The following PRKD1 variants were observed in gnomAD, a reference collection of about 807,000 sequenced individuals.
PRKD1 encodes serine/threonine-protein kinase D1.
Under a neutral mutation model 95.9 loss-of-function variants are expected in PRKD1, and 63 were observed. That is an observed-to-expected ratio of 0.66 (90% CI 0.54 to 0.81). The LOEUF is 0.81. Among genes scored for constraint, PRKD1 ranks in the 30% least tolerant of loss-of-function variants. The pLI is 0.00. For missense variants in PRKD1, 1,048 were observed against 1,165.3 expected, an observed-to-expected ratio of 0.90 and a Z score of 1.47; for synonymous variants, 425 against 423.1, an observed-to-expected ratio of 1.00 and a Z score of -0.05.
chr14:29,864,854 A>C (rs1892832648), intron 1 of PRKD1, among the ~76,000 whole-genome samples: 1 of 152,192 alleles, frequency 6.6e-6, no homozygotes, highest in African/African-American at 2.4e-5. Context: ...ATTTCTGTGA[A>C]TTCTCACACA....
intron 1 of PRKD1, among the ~76,000 whole-genome samples, chr14:29,746,399 G>A (rs1256753952): frequency 3.3e-5 from 5 of 152,006 alleles, no homozygotes; most frequent in African/African-American, 1.2e-4. Flanking sequence ...TGGCTTCATG[G>A]CTTTTGTTCT....
chr14:29,784,389 C>G (rs994270006), intron 1 of PRKD1, among the ~76,000 whole-genome samples: 4 of 151,966 alleles, frequency 2.6e-5, no homozygotes, highest in African/African-American at 9.7e-5. Context: ...TTTTGTGGTT[C>G]CATATGAATT....
At chr14:29,676,058 A>C (rs151313431) in intron 2 of PRKD1, among the ~76,000 whole-genome samples, 1 of 151,926 alleles carries the variant, frequency 6.6e-6, no homozygotes. Flanking sequence ...CAGCACACCA[A>C]CATGGCATAT....
Position 29,634,550 on chromosome 14 carries a change from G to A in PRKD1, c.1191-9C>T. ...TGTTGCTTGTTGATGGACTTGAGAAGTCAAAATATTGTAGGGAAAAAATGT... is the reference window on the plus strand; with the variant it reads ...TGTTGCTTGTTGATGGACTTGAGAAATCAAAATATTGTAGGGAAAAAATGT... On this transcript the variant is annotated splice_polypyrimidine_tract_variant and intron_variant, in intron 7 of 17. Coordinates refer to ENST00000331968, the MANE Select transcript of PRKD1 (RefSeq NM_002742.3). The A allele has an allele frequency of 6.2e-7, 1 of 1,613,790 alleles. No homozygotes were observed. Among genetic ancestry groups the A allele is most frequent in the Non-Finnish European group, 8.5e-7 (1 of 1,179,818 alleles).
intron 4 of PRKD1, chr14:29,652,689 A>G (rs1361518731): frequency 6.6e-6 from 1 of 152,226 alleles, no homozygotes; most frequent in Non-Finnish European, 1.5e-5. Flanking sequence ...ATTTCTGGCA[A>G]ATGTACTACA....
chr14:29,856,155 T>C (rs1892492193), intron 1 of PRKD1, among the ~76,000 whole-genome samples: 1 of 152,126 alleles, frequency 6.6e-6, no homozygotes, highest in African/African-American at 2.4e-5. Context: ...GGAAGTTGAA[T>C]GGGCCAATTG....
chr14:29,655,746 T>C (rs991309363), intron 4 of PRKD1, among the ~76,000 whole-genome samples: 4 of 152,064 alleles, frequency 2.6e-5, no homozygotes, highest in African/African-American at 9.7e-5. Context: ...GTTTTTTCCA[T>C]ATATAATTTC....
chr14:29,908,910 T>C (rs1298633657), intron 1 of PRKD1, among the ~76,000 whole-genome samples: 1 of 152,128 alleles, frequency 6.6e-6, no homozygotes, highest in East Asian at 1.9e-4. Flanking sequence ...TGAGGAGCCC[T>C]TTAGCCCACT....
chr14:29,921,801 C>T (rs528548426), intron 1 of PRKD1, among the ~76,000 whole-genome samples: 25 of 152,248 alleles, frequency 1.6e-4, no homozygotes, highest in African/African-American at 4.1e-4. Context: ...ACCCCCACCA[C>T]CACCACCACC....
chr14:29,670,849 A>T (rs1882797661), intron 2 of PRKD1, among the ~76,000 whole-genome samples: 1 of 152,178 alleles, frequency 6.6e-6, no homozygotes, highest in Non-Finnish European at 1.5e-5. Flanking sequence ...TTTTTGTTAT[A>T]CCTGGAAACA....
chr14:29,724,708 C>T (rs1261451523), intron 2 of PRKD1, among the ~76,000 whole-genome samples: 1 of 152,138 alleles, frequency 6.6e-6, no homozygotes, highest in Non-Finnish European at 1.5e-5. Context: ...TGCTGCTGGA[C>T]TTCTTTTATT....
At chr14:29,746,090 T>C (rs1291881065) in intron 1 of PRKD1, among the ~76,000 whole-genome samples, 1 of 152,114 alleles carries the variant, frequency 6.6e-6, no homozygotes, top group Admixed American at 6.5e-5. Context: ...TTACGATGAC[T>C]TTGGGAGACT....
At chr14:29,705,261 C>G (rs1052281906) in intron 2 of PRKD1, among the ~76,000 whole-genome samples, 5 of 152,024 alleles carry the variant, frequency 3.3e-5, no homozygotes, top group Non-Finnish European at 7.4e-5. Context: ...AGAACTTAAG[C>G]AATTAAAATT....
At chr14:29,875,752 G>GT (rs1212340291) in intron 1 of PRKD1, among the ~76,000 whole-genome samples, 3 of 151,878 alleles carry the variant, frequency 2.0e-5, no homozygotes, top group Non-Finnish European at 2.9e-5. Flanking sequence ...GTTTGTTCTG[G>GT]TTTTTTTTCT....
chr14:29,715,691 TTATTA>T (rs1428376190), intron 2 of PRKD1, among the ~76,000 whole-genome samples: 6 of 152,174 alleles, frequency 3.9e-5, no homozygotes, highest in African/African-American at 1.2e-4. Flanking sequence ...TATCACCTCT[TTATTA>T]AAGTGAGCCA....
chr14:29,887,649 A>G (rs1893769831), intron 1 of PRKD1, among the ~76,000 whole-genome samples: 1 of 152,234 alleles, frequency 6.6e-6, no homozygotes, highest in Non-Finnish European at 1.5e-5. Flanking sequence ...TGTCAACCGC[A>G]AACCACATAT....
At chr14:29,904,930 A>G (rs1192459853) in intron 1 of PRKD1, among the ~76,000 whole-genome samples, 1 of 152,212 alleles carries the variant, frequency 6.6e-6, no homozygotes, top group Non-Finnish European at 1.5e-5. Flanking sequence ...CTTGGACAAA[A>G]AGCCAATAAA....
intron 1 of PRKD1, among the ~76,000 whole-genome samples, chr14:29,757,514 C>A (rs886517216): frequency 6.6e-5 from 10 of 151,902 alleles, no homozygotes; most frequent in Non-Finnish European, 1.2e-4. Flanking sequence ...GTTCAGTATG[C>A]CTAGGATAAA....
At chr14:29,619,594 T>C (rs532735319) in intron 13 of PRKD1, among the ~76,000 whole-genome samples, 45 of 152,262 alleles carry the variant, frequency 3.0e-4, no homozygotes, top group Admixed American at 2.5e-3. Context: ...AATACAATTC[T>C]ATAGTAGGTT....
Sources: gnomAD v4.1 joint callset for allele counts (sites outside exome capture counted in the v4.1 genomes callset) on GRCh38, gnomAD v4.1.1 for gene constraint, MANE v1.5 for transcripts, NCBI Gene and HGNC (gene_info 2026-07-23, HGNC 2026-07-21) for gene names.